CAMK1D: variants seen among roughly 807,000 people sequenced by gnomAD.
CAMK1D encodes the protein calcium/calmodulin dependent protein kinase ID.
Under a neutral mutation model 47.7 loss-of-function variants are expected in CAMK1D, and 9 were observed. The ratio of observed to expected loss-of-function variants is 0.19; its 90% CI spans 0.11 to 0.33. The LOEUF (loss-of-function observed/expected upper bound fraction) is 0.33, where lower values mean the gene tolerates loss of function less well. Ranked by LOEUF, CAMK1D falls within the 10% of genes least tolerant of loss-of-function variation. CAMK1D has a pLI of 1.00. For synonymous variants in CAMK1D, 184 were observed against 184.9 expected (o/e 0.99, Z 0.04); for missense variants, 291 against 488.7 (o/e 0.60, Z 3.81).
At position 12,702,091 on chromosome 10, in the gene CAMK1D, G is replaced by A. The variant is rs1359902303; in HGVS notation, c.299+35281G>A. On this transcript the variant is annotated intron_variant, in intron 3 of 10. Transcript: ENST00000619168. ...CCGTTGGACGCACAGGGCAGGGAGT[G>A]GGGGTGCTGGAAATGTATGCCTAGG... is the stretch of plus-strand genomic sequence containing the variant. Among the ~76,000 whole-genome samples, 3 of 152,200 alleles carry A rather than the reference G, an allele frequency of 2.0e-5. No homozygotes were observed. The South Asian group carries it at 6.2e-4, about 32-fold the overall frequency.
At chr10:12,651,242 CTG>C (rs1233981952) in intron 2 of CAMK1D, among the ~76,000 whole-genome samples, 1 of 152,212 alleles carries the variant, frequency 6.6e-6, no homozygotes, top group Non-Finnish European at 1.5e-5. Flanking sequence ...AACTCAAACA[CTG>C]TGGGTCCAGC....
intron 1 of CAMK1D, among the ~76,000 whole-genome samples, chr10:12,545,024 A>C (rs1836316947): frequency 6.6e-6 from 1 of 152,228 alleles, no homozygotes; most frequent in South Asian, 2.1e-4. Context: ...TGATCATCAG[A>C]AGTGTCTTGA....
chr10:12,352,178 T>A (rs888825525), intron 1 of CAMK1D, among the ~76,000 whole-genome samples: 1 of 152,212 alleles, frequency 6.6e-6, no homozygotes, highest in Non-Finnish European at 1.5e-5. Context: ...GCGGAGCTGG[T>A]ATTCACAGAT....
intron 2 of CAMK1D, among the ~76,000 whole-genome samples, chr10:12,588,012 A>C (rs1316087392): frequency 3.3e-5 from 5 of 152,158 alleles, no homozygotes; most frequent in Non-Finnish European, 7.4e-5. Context: ...GGAGCACTTG[A>C]ATATTAAGTA....
chr10:12,574,234 A>C (rs2815615), intron 2 of CAMK1D, among the ~76,000 whole-genome samples: 60,391 of 151,682 alleles, frequency 0.4, 12,225 homozygotes, highest in East Asian at 0.5. Context: ...TAAAACTCAG[A>C]TTCTTTAATT....
At chr10:12,615,751 G>T in intron 2 of CAMK1D, among the ~76,000 whole-genome samples, 1 of 150,978 alleles carries the variant, frequency 6.6e-6, no homozygotes. Context: ...GGTGTGTATA[G>T]TTGTGTGCGT....
At position 12,503,182 on chromosome 10, in the gene CAMK1D, A is replaced by G. The variant is rs114925845; in HGVS notation, c.93-50043A>G. On this transcript the variant is annotated intron_variant, in intron 1 of 10. Transcript: ENST00000619168. Reference sequence around the variant, plus strand: ...TGTGCATGTGTGTATATGTGTATATATGTACGTGTGGGTGCATATATGTAT... The same window carrying G: ...TGTGCATGTGTGTATATGTGTATATGTGTACGTGTGGGTGCATATATGTAT... 6.0e-3 allele frequency among the ~76,000 whole-genome samples: 914 copies of G among 152,302 alleles called. 5 individuals are homozygous for G. Among genetic ancestry groups the G allele is most frequent in the Middle Eastern group, 0.01 (3 of 294 alleles).
intron 2 of CAMK1D, among the ~76,000 whole-genome samples, chr10:12,659,525 T>A (rs554240920): frequency 6.6e-6 from 1 of 152,332 alleles, no homozygotes; most frequent in Non-Finnish European, 1.5e-5. Context: ...ATCTGGCCAA[T>A]ATTTCAGTGC....
chr10:12,725,284 C>T, intron 3 of CAMK1D: 1 of 155,108 alleles, frequency 6.4e-6, no homozygotes. Flanking sequence ...ATGCTTTTTG[C>T]CATTACTTTT....
At chr10:12,694,096 T>A (rs1390310048) in intron 3 of CAMK1D, among the ~76,000 whole-genome samples, 1 of 51,968 alleles carries the variant, frequency 1.9e-5, no homozygotes, top group African/African-American at 7.8e-5. Context: ...TAATATATAT[T>A]ATATAATATA....
intron 3 of CAMK1D, among the ~76,000 whole-genome samples, chr10:12,725,062 C>T (rs1344196879): frequency 6.6e-6 from 1 of 152,198 alleles, no homozygotes; most frequent in East Asian, 1.9e-4. Flanking sequence ...AAGCAAGGGT[C>T]CCACTGTGTT....
chr10:12,796,491 CAA>C (rs1838200453), intron 6 of CAMK1D, among the ~76,000 whole-genome samples: 1 of 152,186 alleles, frequency 6.6e-6, no homozygotes, highest in Non-Finnish European at 1.5e-5. Context: ...TGTTCTGAAA[CAA>C]GAGATGAGCC....
Position 12,771,868 on chromosome 10 carries a change from T to C in CAMK1D, c.565+2069T>C, listed in dbSNP as rs183862800. Among the ~76,000 whole-genome samples, 175 of 152,216 alleles carry C rather than the reference T, an allele frequency of 1.1e-3. 1 individual carries two copies. Among genetic ancestry groups the C allele is most frequent in the African/African-American group, 4.1e-3 (169 of 41,532 alleles). On this transcript the variant is annotated intron_variant, in intron 5 of 10. Coordinates refer to ENST00000619168, the MANE Select transcript of CAMK1D (RefSeq NM_153498.4). ...GGCCAACATGGCAAAACCCCATCTC[T>C]ACTAAAAATACAAAAATTAGCCAGG...
intron 1 of CAMK1D, among the ~76,000 whole-genome samples, chr10:12,389,973 A>G (rs1052437990): frequency 1.3e-5 from 2 of 152,058 alleles, no homozygotes; most frequent in South Asian, 2.1e-4. Flanking sequence ...TGTGCTGTGC[A>G]TGGGAGGTCC....
At chr10:12,547,281 G>A (rs1836409009) in intron 1 of CAMK1D, among the ~76,000 whole-genome samples, 1 of 152,208 alleles carries the variant, frequency 6.6e-6, no homozygotes, top group Non-Finnish European at 1.5e-5. Context: ...GGGACCCCTG[G>A]GGGGCCCAGC....
chr10:12,428,585 C>T (rs1297499290), intron 1 of CAMK1D, among the ~76,000 whole-genome samples: 1 of 152,140 alleles, frequency 6.6e-6, no homozygotes, highest in African/African-American at 2.4e-5. Flanking sequence ...AACTTCGCCT[C>T]CCCACTGAGC....
At chr10:12,777,522 G>A (rs752459457) in intron 5 of CAMK1D, among the ~76,000 whole-genome samples, 7 of 151,870 alleles carry the variant, frequency 4.6e-5, no homozygotes, top group South Asian at 2.1e-4. Context: ...ACAGGCATGC[G>A]CCACCATGCC....
chr10:12,652,317 C>T, intron 2 of CAMK1D, among the ~76,000 whole-genome samples: 1 of 151,282 alleles, frequency 6.6e-6, no homozygotes, highest in East Asian at 2.0e-4. Context: ...TGCTGTGGCT[C>T]ACGCCTGTAA....
chr10:12,821,397 G>A (rs1833006386), intron 8 of CAMK1D, among the ~76,000 whole-genome samples: 1 of 152,168 alleles, frequency 6.6e-6, no homozygotes, highest in African/African-American at 2.4e-5. Flanking sequence ...CCCATCTTCT[G>A]GGCTCCAGAC....
Sources: gnomAD v4.1 joint callset for allele counts (sites outside exome capture counted in the v4.1 genomes callset) on GRCh38, gnomAD v4.1.1 for gene constraint, MANE v1.5 for transcripts, NCBI Gene and HGNC (gene_info 2026-07-23, HGNC 2026-07-21) for gene names.